IL17RA: variants seen among roughly 807,000 people sequenced by gnomAD.
IL17RA encodes the protein interleukin-17 receptor A.
Under a neutral mutation model 50.4 loss-of-function variants are expected in IL17RA, and 34 were observed. That is an observed-to-expected ratio of 0.67 (90% CI 0.51 to 0.90). The LOEUF is 0.90. IL17RA is among the 40% of genes least tolerant of loss of function. IL17RA has a pLI of 0.00. For synonymous variants in IL17RA, 585 were observed against 510.4 expected (o/e 1.15, Z -1.97); for missense variants, 1,276 against 1,169.8 (o/e 1.09, Z -1.32).
chr22:17,101,713 G>A (rs556265273), intron 5 of IL17RA, among the ~76,000 whole-genome samples: 1 of 152,308 alleles, frequency 6.6e-6, no homozygotes, highest in Admixed American at 6.5e-5. Flanking sequence ...AGAAGCTGTG[G>A]GTGGGCAGAG....
At chr22:17,092,227 C>A (rs949084318) in intron 1 of IL17RA, among the ~76,000 whole-genome samples, 2 of 152,122 alleles carry the variant, frequency 1.3e-5, no homozygotes, top group Admixed American at 1.3e-4. Context: ...GGGTGGCACA[C>A]CTGAGGAGGG....
chr22:17,115,180 CA>C lies in IL17RA; in HGVS notation c.*5361del, dbSNP rs1481527165. On this transcript the variant is annotated 3_prime_UTR_variant, in exon 13 of 13. Transcript: ENST00000319363. ...AGAAGACATTTCTAAATATTCATAA[CA>C]TGCTTGCTCAAATCAATCACCTTAT... 6.6e-6 allele frequency: 1 copy of C among 152,248 alleles called. No individual in the cohort carries two copies. Among genetic ancestry groups the C allele is most frequent in the African/African-American group, 2.4e-5 (1 of 41,466 alleles). The allele number at this position is 152,248 out of a possible 1,614,324, so 9.4% of individuals were successfully genotyped here. A position where few individuals can be genotyped will look rare whatever the true frequency, so the allele number is the denominator to read the frequency against.
chr22:17,101,971 A>C lies in IL17RA; in HGVS notation c.551-25A>C, dbSNP rs765758256. The C allele has an allele frequency of 8.1e-6, 13 of 1,613,964 alleles. No individual in the cohort carries two copies. In the African/African-American group the frequency reaches 1.7e-4, roughly 22 times the overall value. On this transcript the variant is annotated intron_variant, in intron 5 of 12. Transcript: ENST00000319363. ...GATTTCTGAAGGCAGAGGCTTAATG[A>C]GTTTCCTTTTTTCTGGGTCGACAGA...
chr22:17,096,848 C>T lies in IL17RA; in HGVS notation c.139-214C>T, dbSNP rs1319224520. ...TCGCGCCACTGCACTCCAGCCTGGG[C>T]GACAGAGCAAGACTCCATCTCAAAA... is the stretch of plus-strand genomic sequence containing the variant. On this transcript the variant is annotated intron_variant, in intron 1 of 12. Transcript: ENST00000319363. Among the ~76,000 whole-genome samples, 7 of 140,882 alleles carry T rather than the reference C, an allele frequency of 5.0e-5. No individual in the cohort carries two copies. In the South Asian group the frequency reaches 6.7e-4, roughly 14 times the overall value. 92.4% of individuals were successfully genotyped at this position (140,882 alleles called of 152,430 possible).
At position 17,108,653 on chromosome 22, in the gene IL17RA, G is replaced by A. The variant is rs757552492; in HGVS notation, c.1434G>A (p.Leu478=). ...ACCACGGAAAGCCCGTGGGGGACCTGTTCACTGCAGCCATGAACATGATCC... is the reference window on the plus strand; with the variant it reads ...ACCACGGAAAGCCCGTGGGGGACCTATTCACTGCAGCCATGAACATGATCC... ...RCDHGKPVGD[L]FTAAMNMILP... is the part of the protein sequence containing the mutation. Residue 478 remains leucine, a synonymous_variant, in exon 13 of 13, where the codon CTG becomes CTA. Coordinates refer to ENST00000319363, the MANE Select transcript of IL17RA (RefSeq NM_014339.7). 1.9e-6 allele frequency: 3 copies of A among 1,607,078 alleles called. No homozygotes were observed. Among genetic ancestry groups the A allele is most frequent in the South Asian group, 2.2e-5 (2 of 91,080 alleles).
chr22:17,103,655 C>T lies in IL17RA; in HGVS notation c.846+78C>T, dbSNP rs111321002. 9 of 1,149,452 alleles carry T rather than the reference C, an allele frequency of 7.8e-6. 2 individuals carry two copies. Among genetic ancestry groups the T allele is most frequent in the African/African-American group, 6.1e-5 (4 of 65,384 alleles). The allele number at this position is 1,149,452 out of a possible 1,614,324, so 71.2% of individuals were successfully genotyped here. On this transcript the variant is annotated intron_variant, in intron 8 of 12. Transcript: ENST00000319363. ...AGAGTGGACAGGAGTGAGGAGTGTG[C>T]ACAGGTGAAGAGTGGTGTGGACGGG...
chr22:17,108,383 C>A lies in IL17RA; in HGVS notation c.1164C>A (p.His388Gln). ...TCTGGATCATCTACTCAGCCGACCA[C>A]CCCCTCTACGTGGACGTGGTCCTGA... is the stretch of plus-strand genomic sequence containing the variant. ...RKVWIIYSAD[H>Q]PLYVDVVLKF... The change falls in exon 13 of 13, where the codon CAC becomes CAA. Residue 388 changes from histidine (H) to glutamine (Q), a missense_variant. His to Gln is a conservative substitution (Grantham distance 24). Transcript: ENST00000319363. 4.3e-6 allele frequency: 7 copies of A among 1,614,016 alleles called. No individual in the cohort carries two copies. Among genetic ancestry groups the A allele is most frequent in the Non-Finnish European group, 5.9e-6 (7 of 1,179,914 alleles).
intron 1 of IL17RA, 119 bp downstream of exon 1, chr22:17,085,348 C>A: frequency 6.8e-7 from 1 of 1,478,338 alleles, no homozygotes. Context: ...GTCCGCGCCG[C>A]GGGCTTAGAG....
chr22:17,105,202 C>A (rs1035995965), intron 9 of IL17RA, among the ~76,000 whole-genome samples: 12 of 152,194 alleles, frequency 7.9e-5, no homozygotes, highest in African/African-American at 2.9e-4. Context: ...TCCCCCCACC[C>A]CAAACCCCAG....
At chr22:17,095,894 G>A in intron 1 of IL17RA, among the ~76,000 whole-genome samples, 1 of 152,162 alleles carries the variant, frequency 6.6e-6, no homozygotes, top group East Asian at 1.9e-4. Flanking sequence ...GGTGCGTGCA[G>A]ATGTCATCCT....
chr22:17,102,360 G>C, intron 7 of IL17RA, 58 bp downstream of exon 7: 1 of 1,583,794 alleles, frequency 6.3e-7, no homozygotes, highest in South Asian at 1.1e-5. Flanking sequence ...TCCAAGCCCT[G>C]AGTCTCTTCT....
intron 7 of IL17RA, among the ~76,000 whole-genome samples, chr22:17,103,207 G>T (rs2061398023): frequency 1.3e-5 from 2 of 152,192 alleles, no homozygotes. Context: ...GTGCTGTGTG[G>T]TTCTGTACAA....
rs1014259476 is a variant in IL17RA, at chr22:17,085,032, A to G, written c.-60A>G. ...ACTCCACCGCGGAAAAGAAAGCCTC[A>G]GAACGTTCGTTCGCTGCGTCCCCAG... is the stretch of plus-strand genomic sequence containing the variant. On this transcript the variant is annotated 5_prime_UTR_variant, in exon 1 of 13. Coordinates refer to ENST00000319363, the MANE Select transcript of IL17RA (RefSeq NM_014339.7). 2 of 1,296,260 alleles carry G rather than the reference A, an allele frequency of 1.5e-6. No homozygotes were observed. The highest frequency in any genetic ancestry group is 2.0e-6 in the Non-Finnish European group (2 of 1,022,006). The allele number at this position is 1,296,260 out of a possible 1,614,324, so 80.3% of individuals were successfully genotyped here.
In IL17RA at chr22:17,104,723, C is replaced by T; in HGVS notation, c.847-3C>T. ...GCCCTTTTCCTGCCCTCTCTGCCCG[C>T]AGATCCAGCCCTTCTTCAGCAGCTG... On this transcript the variant is annotated splice_polypyrimidine_tract_variant and splice_region_variant and intron_variant, in intron 8 of 12. Coordinates refer to ENST00000319363, the MANE Select transcript of IL17RA (RefSeq NM_014339.7). 6.2e-7 allele frequency: 1 copy of T among 1,614,014 alleles called. No homozygotes were observed. Among genetic ancestry groups the T allele is most frequent in the Non-Finnish European group, 8.5e-7 (1 of 1,179,888 alleles).
At chr22:17,096,913 G>A (rs2061370450) in intron 1 of IL17RA, 149 bp from the exon 2 acceptor site, 6 of 749,184 alleles carry the variant, frequency 8.0e-6, no homozygotes, top group Admixed American at 1.9e-5. Context: ...CCATCCCCTG[G>A]ACTCACTCCT....
At position 17,097,793 on chromosome 22, in the gene IL17RA, C is replaced by T; in HGVS notation, c.164-4C>T. ...TCTGAATGTTGCTTTTCCCTGGCTG[C>T]CAGGTACCTGCCTGGATGACAGCTG... On this transcript the variant is annotated splice_polypyrimidine_tract_variant and splice_region_variant and intron_variant, in intron 2 of 12. Transcript: ENST00000319363. 6.2e-7 allele frequency: 1 copy of T among 1,614,144 alleles called. No homozygotes were observed. The highest frequency in any genetic ancestry group is 8.5e-7 in the Non-Finnish European group (1 of 1,180,046).
At chr22:17,106,050 C>A in intron 11 of IL17RA, 96 bp downstream of exon 11, 2 of 936,636 alleles carry the variant, frequency 2.1e-6, no homozygotes, top group Non-Finnish European at 3.4e-6. Flanking sequence ...AGAGCCTCAG[C>A]TTCTTGCTTG....
Position 17,108,761 on chromosome 22 carries a change from C to G in IL17RA, c.1542C>G (p.Pro514=), listed in dbSNP as rs1473493013. 6.2e-7 allele frequency: 1 copy of G among 1,610,552 alleles called. No homozygotes were observed. ...AGGTCAGCTGTGACGGCGACGTCCC[C>G]GACCTGTTCGGCGCGGCGCCGCGGT... ...FSEVSCDGDV[P]DLFGAAPRYP... is the part of the protein sequence containing the mutation. The change falls in exon 13 of 13, where the codon CCC becomes CCG. Residue 514 remains proline (P), a synonymous_variant. Transcript: ENST00000319363.
chr22:17,108,450 G>A lies in IL17RA; in HGVS notation c.1231G>A (p.Ala411Thr). The change falls in exon 13 of 13, where the codon GCC becomes ACC. Residue 411 changes from alanine (A) to threonine (T), a missense_variant. Physicochemically the swap from Ala to Thr is moderately conservative, Grantham distance 58. Transcript: ENST00000319363. ...FLLTACGTEV[A>T]LDLLEEQAIS... ...GCTCACCGCCTGCGGCACGGAAGTG[G>A]CCCTGGACCTGCTGGAAGAGCAGGC... The A allele has an allele frequency of 6.2e-7, 1 of 1,613,876 alleles. No homozygotes were observed. Among genetic ancestry groups the A allele is most frequent in the Non-Finnish European group, 8.5e-7 (1 of 1,180,048 alleles).
Sources: allele counts gnomAD v4.1 joint callset (sites outside exome capture counted in the v4.1 genomes callset), GRCh38; gene constraint gnomAD v4.1.1; transcripts MANE v1.5; gene names NCBI Gene and HGNC (gene_info 2026-07-23, HGNC 2026-07-21).